The following MYO16 variants were observed in gnomAD, a reference collection of about 807,000 sequenced individuals.
MYO16 encodes unconventional myosin-XVI.
Under a neutral mutation model 205.3 loss-of-function variants are expected in MYO16, and 94 were observed. The ratio of observed to expected loss-of-function variants is 0.46; its 90% confidence interval spans 0.39 to 0.54. The LOEUF (loss-of-function observed/expected upper bound fraction) is 0.54, where lower values mean the gene tolerates loss of function less well. Among genes scored for constraint, MYO16 ranks in the 20% least tolerant of loss-of-function variants. MYO16 has a pLI of 0.00. For synonymous variants in MYO16, 988 were observed against 954.0 expected (o/e 1.04, Z -0.66); for missense variants, 2,315 against 2,387.5 (o/e 0.97, Z 0.63).
At chr13:109,076,623 G>A (rs1268998609) in intron 27 of MYO16, among the ~76,000 whole-genome samples, 2 of 152,098 alleles carry the variant, frequency 1.3e-5, no homozygotes, top group Admixed American at 1.3e-4. Flanking sequence ...TCCCATAGCA[G>A]AGGGCCCAGA....
intron 22 of MYO16, among the ~76,000 whole-genome samples, chr13:109,015,152 T>TAA (rs1461215413): frequency 1.3e-5 from 2 of 152,208 alleles, no homozygotes; most frequent in East Asian, 3.9e-4. Context: ...ACCTAGTTTA[T>TAA]TGAGAGTTTT....
intron 4 of MYO16, among the ~76,000 whole-genome samples, chr13:108,754,515 C>A (rs71435292): frequency 6.6e-6 from 1 of 150,482 alleles, no homozygotes; most frequent in South Asian, 2.1e-4. Context: ...CAGGTTTTGG[C>A]GTGTGTGTGT....
chr13:108,831,889 A>G (rs968587992), intron 9 of MYO16, among the ~76,000 whole-genome samples: 7 of 152,200 alleles, frequency 4.6e-5, no homozygotes, highest in African/African-American at 1.2e-4. Flanking sequence ...GAAGGTTACC[A>G]TCCCTGGGCT....
chr13:109,013,114 AC>A lies in MYO16; in HGVS notation c.2595+4074del, dbSNP rs1181676669. 1.6e-3 allele frequency among the ~76,000 whole-genome samples: 89 copies of A among 55,154 alleles called. 1 individual carries two copies. Among genetic ancestry groups the A allele is most frequent in the African/African-American group, 4.9e-3 (73 of 14,896 alleles). The allele number at this position is 55,154 out of a possible 152,430, so 36.2% of individuals were successfully genotyped here. On this transcript the variant is annotated intron_variant, in intron 22 of 34. Transcript: ENST00000457511. ...TTTCTCCTAATGCTACCCCTCCCCC[AC>A]CCCCCCCCACCCCACCACAGGCCCC...
the MYO16 span, among the ~76,000 whole-genome samples, chr13:108,585,772 G>T: frequency 2.0e-5 from 3 of 152,116 alleles, no homozygotes; most frequent in African/African-American, 7.2e-5. Context: ...ATGAGAATTT[G>T]TGGTTTATAT....
At chr13:108,787,656 CAA>C (rs1425617721) in intron 5 of MYO16, among the ~76,000 whole-genome samples, 4 of 152,040 alleles carry the variant, frequency 2.6e-5, no homozygotes, top group Admixed American at 2.0e-4. Flanking sequence ...CAAAACAAAA[CAA>C]AACAAAACAA....
At chr13:109,179,510 G>A in intron 33 of MYO16, 32 bp from the exon 34 acceptor site, 2 of 1,445,618 alleles carry the variant, frequency 1.4e-6, no homozygotes, top group Admixed American at 1.7e-5. Flanking sequence ...AGGAGACACT[G>A]CTTAACTCCC....
intron 4 of MYO16, among the ~76,000 whole-genome samples, chr13:108,746,546 AG>A (rs59808881): frequency 0.23 from 35,344 of 151,916 alleles, 5,222 homozygotes; most frequent in East Asian, 0.55. Context: ...TCTAGCATAA[AG>A]AAAAGGCGAC....
At chr13:108,754,340 A>G (rs1460506699) in intron 4 of MYO16, among the ~76,000 whole-genome samples, 1 of 152,212 alleles carries the variant, frequency 6.6e-6, no homozygotes, top group East Asian at 1.9e-4. Context: ...AGCAGAGAAT[A>G]TCTAAGAGAT....
At chr13:108,630,017 G>C in intron 1 of MYO16, 145 bp downstream of exon 1, 1 of 583,332 alleles carries the variant, frequency 1.7e-6, no homozygotes, top group Non-Finnish European at 2.9e-6. Flanking sequence ...ATATTTTACA[G>C]GCTGGATATA....
chr13:108,874,711 T>C lies in MYO16; in HGVS notation c.1426-8348T>C, dbSNP rs1464245896. On this transcript the variant is annotated intron_variant, in intron 12 of 34. Coordinates refer to ENST00000457511, the MANE Select transcript of MYO16 (RefSeq NM_001198950.3). ...TCATCATCATCATTATTATTATTATTATTATTATTATTATTATTATTATTA... is the reference window on the plus strand; with the variant it reads ...TCATCATCATCATTATTATTATTATCATTATTATTATTATTATTATTATTA... Among the ~76,000 whole-genome samples, 12 of 145,524 alleles carry C rather than the reference T, an allele frequency of 8.2e-5. 1 individual carries two copies. The highest frequency in any genetic ancestry group is 2.7e-4 in the Admixed American group (4 of 14,638).
intron 19 of MYO16, among the ~76,000 whole-genome samples, chr13:108,964,192 C>T (rs1352459401): frequency 6.6e-6 from 1 of 152,132 alleles, no homozygotes; most frequent in East Asian, 1.9e-4. Flanking sequence ...TGCCAAACCA[C>T]CCTTGCTCTT....
intron 7 of MYO16, 37 bp from the exon 8 acceptor site, chr13:108,820,300 A>T (rs1451120532): frequency 6.8e-7 from 1 of 1,469,632 alleles, no homozygotes; most frequent in Non-Finnish European, 9.4e-7. Context: ...AGCTTCTGCC[A>T]TGGTGGTTCC....
intron 11 of MYO16, among the ~76,000 whole-genome samples, chr13:108,861,774 T>C (rs761129894): frequency 6.6e-6 from 1 of 152,194 alleles, no homozygotes; most frequent in African/African-American, 2.4e-5. Flanking sequence ...TGTTCAGTTA[T>C]AGTGCCATTA....
intron 9 of MYO16, among the ~76,000 whole-genome samples, chr13:108,841,216 AATGATT>A (rs1877223063): frequency 6.6e-6 from 1 of 152,236 alleles, no homozygotes; most frequent in Non-Finnish European, 1.5e-5. Context: ...AATGATAATG[AATGATT>A]ATATCAATGA....
intron 16 of MYO16, among the ~76,000 whole-genome samples, chr13:108,938,591 A>T (rs766502027): frequency 6.6e-6 from 1 of 152,226 alleles, no homozygotes; most frequent in Non-Finnish European, 1.5e-5. Context: ...CTACTCCAGG[A>T]GAGTGGGTGC....
At chr13:108,896,602 T>A (rs1256102779) in intron 14 of MYO16, among the ~76,000 whole-genome samples, 1 of 152,224 alleles carries the variant, frequency 6.6e-6, no homozygotes, top group Non-Finnish European at 1.5e-5. Context: ...TATTTTATAA[T>A]CTTTCACAGT....
At chr13:108,764,684 TTTC>T (rs1212310963) in intron 4 of MYO16, among the ~76,000 whole-genome samples, 1 of 152,170 alleles carries the variant, frequency 6.6e-6, no homozygotes. Context: ...CATGATTTCT[TTTC>T]TTAGCTTTTT....
chr13:109,023,618 CAAATATATA>C (rs1258333328), intron 23 of MYO16, among the ~76,000 whole-genome samples: 3 of 116,366 alleles, frequency 2.6e-5, no homozygotes, highest in African/African-American at 1.1e-4. Context: ...TTTATATATA[CAAATATATA>C]GACAAATATA....
Sources: gnomAD v4.1 joint callset for allele counts (sites outside exome capture counted in the v4.1 genomes callset) on GRCh38, gnomAD v4.1.1 for gene constraint, MANE v1.5 for transcripts, NCBI Gene and HGNC (gene_info 2026-07-23, HGNC 2026-07-21) for gene names.